Variants in EML5 observed in about 807,000 individuals in gnomAD.
EML5 encodes the protein EMAP like 5, also known as echinoderm microtubule-associated protein-like 5.
In EML5, 120 loss-of-function variants were observed where a neutral mutation model predicts 250.0. The observed-to-expected ratio is 0.48, with a 90% confidence interval of 0.41 to 0.56. The LOEUF is 0.56. Ranked by LOEUF, EML5 falls within the 20% of genes least tolerant of loss-of-function variation. The probability of loss-of-function intolerance (pLI) is 0.00; values close to 1 mark genes in which losing one functional copy is unlikely to be tolerated. For synonymous variants in EML5, 771 were observed against 806.5 expected (o/e 0.96, Z 0.75); for missense variants, 2,006 against 2,437.6 (o/e 0.82, Z 3.73).
intron 1 of EML5, among the ~76,000 whole-genome samples, chr14:88,774,752 T>C (rs1471383185): frequency 6.6e-6 from 1 of 152,212 alleles, no homozygotes; most frequent in African/African-American, 2.4e-5. Flanking sequence ...ATCCTTTATC[T>C]AAACTCACTC....
intron 1 of EML5, among the ~76,000 whole-genome samples, chr14:88,784,639 T>C (rs1266785597): frequency 2.0e-5 from 3 of 152,018 alleles, no homozygotes; most frequent in East Asian, 1.9e-4. Context: ...ATCAAAGCCA[T>C]AATAAAAATT....
At chr14:88,694,548 T>C in intron 16 of EML5, 141 bp from the exon 17 acceptor site, 1 of 627,004 alleles carries the variant, frequency 1.6e-6, no homozygotes, top group Middle Eastern at 4.4e-4. Context: ...GCTGTGTATT[T>C]GTTCTTTTGT....
At position 88,745,217 on chromosome 14, in the gene EML5, C is replaced by T. The variant is rs541168672; in HGVS notation, c.456+968G>A. Among the ~76,000 whole-genome samples, 10 of 136,818 alleles carry T rather than the reference C, an allele frequency of 7.3e-5. No individual in the cohort carries two copies. The East Asian group carries it at 1.4e-3, about 19-fold the overall frequency. 89.8% of individuals were successfully genotyped at this position (136,818 alleles called of 152,430 possible). A position where few individuals can be genotyped will look rare whatever the true frequency, so the allele number is the denominator to read the frequency against. ...TGTGTGTAATAGGCCTCTCTGTGCA[C>T]CTACTAAAAACCAAATGTATTCTCC... On this transcript the variant is annotated intron_variant, in intron 3 of 43. Transcript: ENST00000554922.
intron 7 of EML5, among the ~76,000 whole-genome samples, chr14:88,727,230 G>A (rs2093679873): frequency 6.6e-6 from 1 of 152,058 alleles, no homozygotes. Flanking sequence ...AGTATGCACT[G>A]GTGATAAATA....
At chr14:88,728,192 T>C (rs1272192387) in intron 7 of EML5, among the ~76,000 whole-genome samples, 1 of 112,030 alleles carries the variant, frequency 8.9e-6, no homozygotes, top group Non-Finnish European at 1.7e-5. Flanking sequence ...GTACTGAACA[T>C]GTACAGACTT....
At chr14:88,764,841 T>C (rs984193435) in intron 1 of EML5, among the ~76,000 whole-genome samples, 1 of 152,212 alleles carries the variant, frequency 6.6e-6, no homozygotes, top group Non-Finnish European at 1.5e-5. Flanking sequence ...TACTGATTTT[T>C]ATTTTGATTC....
At chr14:88,713,978 C>T (rs745615658) in intron 9 of EML5, among the ~76,000 whole-genome samples, 4 of 151,690 alleles carry the variant, frequency 2.6e-5, no homozygotes, top group African/African-American at 4.8e-5. Context: ...GCTGGGACCA[C>T]AGGTGCATAC....
intron 24 of EML5, 70 bp downstream of exon 24, chr14:88,662,961 A>C: frequency 8.9e-7 from 1 of 1,126,532 alleles, no homozygotes; most frequent in African/African-American, 1.6e-5. Context: ...TAAACGATAG[A>C]AAGTAGGTAT....
At chr14:88,675,614 T>C (rs1303866137) in intron 21 of EML5, among the ~76,000 whole-genome samples, 1 of 152,196 alleles carries the variant, frequency 6.6e-6, no homozygotes, top group East Asian at 1.9e-4. Context: ...TGGAGACACT[T>C]TCCCCATTGT....
intron 34 of EML5, chr14:88,627,255 T>C (rs2140418201): frequency 3.4e-6 from 2 of 582,510 alleles, no homozygotes; most frequent in African/African-American, 3.7e-5. Context: ...CTTTTCTTTA[T>C]ATAACGTAAA....
At chr14:88,780,520 T>C (rs2094487344) in intron 1 of EML5, among the ~76,000 whole-genome samples, 1 of 152,256 alleles carries the variant, frequency 6.6e-6, no homozygotes, top group East Asian at 1.9e-4. Context: ...ACTGTGAGGA[T>C]CGACAGGTCT....
chr14:88,625,276 C>T, intron 35 of EML5, 149 bp from the exon 36 acceptor site: 3 of 875,214 alleles, frequency 3.4e-6, no homozygotes, highest in Non-Finnish European at 5.0e-6. Context: ...ATTCACGAGT[C>T]AGGAAACCTG....
Position 88,683,033 on chromosome 14 carries a change from G to A in EML5, c.2983-1002C>T, listed in dbSNP as rs573650328. ...GAACTGACTTCATTTACAGCAGAGT[G>A]TGAAAAAGCTCATGCATAAGTACGT... is the stretch of plus-strand genomic sequence containing the variant. On this transcript the variant is annotated intron_variant, in intron 20 of 43. Transcript: ENST00000554922. Among the ~76,000 whole-genome samples the A allele has an allele frequency of 1.8e-4, 24 of 137,142 alleles. 1 individual carries two copies. In the South Asian group the frequency reaches 5.3e-3, roughly 30 times the overall value. 90.0% of individuals were successfully genotyped at this position (137,142 alleles called of 152,430 possible).
intron 17 of EML5, among the ~76,000 whole-genome samples, chr14:88,690,690 T>A (rs2092936088): frequency 6.6e-6 from 1 of 152,188 alleles, no homozygotes. Context: ...TTGTGTCACT[T>A]ATTTAAGATG....
intron 11 of EML5, 37 bp from the exon 12 acceptor site, chr14:88,705,625 G>T: frequency 6.9e-7 from 1 of 1,455,596 alleles, no homozygotes; most frequent in Non-Finnish European, 9.4e-7. Context: ...CTTGTTTAAA[G>T]AAGATTCATT....
chr14:88,728,299 A>G (rs1031602035), intron 7 of EML5, among the ~76,000 whole-genome samples: 1 of 152,152 alleles, frequency 6.6e-6, no homozygotes, highest in Non-Finnish European at 1.5e-5. Flanking sequence ...AGAGATTTAA[A>G]GTACAGTTGA....
At chr14:88,662,972 C>T (rs2092175275) in intron 24 of EML5, 59 bp downstream of exon 24, 8 of 1,244,078 alleles carry the variant, frequency 6.4e-6, no homozygotes, top group Non-Finnish European at 7.9e-6. Context: ...AAGTAGGTAT[C>T]AGTTTTCTAG....
intron 2 of EML5, among the ~76,000 whole-genome samples, chr14:88,746,706 C>A (rs1435540542): frequency 6.6e-6 from 1 of 152,132 alleles, no homozygotes; most frequent in Non-Finnish European, 1.5e-5. Context: ...ACTTGTACCC[C>A]TGATTTCTGT....
rs1053992736 is a variant in EML5, at chr14:88,706,572, T to C, written c.1658-146A>G. ...AATGCTGACTCAAAAATTGAACAAA[T>C]GAATGAATCTGTATCAAGGAATGCA... On this transcript the variant is annotated intron_variant, in intron 10 of 43. Coordinates refer to ENST00000554922, the MANE Select transcript of EML5 (RefSeq NM_183387.3). The C allele has an allele frequency of 8.5e-6, 5 of 591,618 alleles. No homozygotes were observed. In the Admixed American group the frequency reaches 1.5e-4, roughly 18 times the overall value. 36.6% of individuals were successfully genotyped at this position (591,618 alleles called of 1,614,324 possible).
Sources: allele counts gnomAD v4.1 joint callset (sites outside exome capture counted in the v4.1 genomes callset), GRCh38; gene constraint gnomAD v4.1.1; transcripts MANE v1.5; gene names NCBI Gene and HGNC (gene_info 2026-07-23, HGNC 2026-07-21).